The following RAB3C variants were observed in gnomAD, a reference collection of about 807,000 sequenced individuals.
The protein encoded by RAB3C is ras-related protein Rab-3C.
A neutral mutation model predicts 26.4 loss-of-function variants in RAB3C; 17 were observed. The ratio of observed to expected loss-of-function variants is 0.64; its 90% CI spans 0.44 to 0.97. The LOEUF (loss-of-function observed/expected upper bound fraction) is 0.97. Ranked by LOEUF, RAB3C falls within the 50% of genes least tolerant of loss-of-function variation. The pLI, the probability that RAB3C is intolerant of heterozygous loss-of-function variation, is 0.00. For missense variants in RAB3C, 242 were observed against 281.9 expected, an observed-to-expected ratio of 0.86 and a Z score of 1.01; for synonymous variants, 91 against 95.9, an observed-to-expected ratio of 0.95 and a Z score of 0.30.
intron 4 of RAB3C, among the ~76,000 whole-genome samples, chr5:58,828,296 A>G (rs1459054860): frequency 6.6e-6 from 1 of 152,158 alleles, no homozygotes; most frequent in Non-Finnish European, 1.5e-5. Flanking sequence ...TTTCTCAGCC[A>G]TTTTGTTTCA....
At chr5:58,625,823 C>G (rs1232678503) in intron 2 of RAB3C, among the ~76,000 whole-genome samples, 2 of 150,130 alleles carry the variant, frequency 1.3e-5, no homozygotes, top group Non-Finnish European at 2.9e-5. Context: ...CGCCATTGCA[C>G]TCCAGCCTGG....
At chr5:58,777,601 T>G (rs1188588121) in intron 3 of RAB3C, among the ~76,000 whole-genome samples, 1 of 151,964 alleles carries the variant, frequency 6.6e-6, no homozygotes, top group Non-Finnish European at 1.5e-5. Context: ...CATGTTTTTT[T>G]TTTTTTTTTT....
chr5:58,725,949 A>G (rs1292676219), intron 2 of RAB3C, 53 bp from the exon 3 acceptor site: 1 of 1,091,382 alleles, frequency 9.2e-7, no homozygotes, highest in Non-Finnish European at 1.3e-6. Context: ...ATCACTTCCC[A>G]AAAATGTATT....
intron 3 of RAB3C, among the ~76,000 whole-genome samples, chr5:58,748,870 C>T (rs961833673): frequency 8.5e-5 from 13 of 152,124 alleles, no homozygotes; most frequent in Non-Finnish European, 1.9e-4. Flanking sequence ...ACCAACAATG[C>T]CAGCCAAAGT....
At chr5:58,731,788 G>A (rs184161661) in intron 3 of RAB3C, among the ~76,000 whole-genome samples, 1 of 152,258 alleles carries the variant, frequency 6.6e-6, no homozygotes. Context: ...TCACTTCTGG[G>A]ACTTTAACTC....
At chr5:58,684,569 C>G (rs1233264156) in intron 2 of RAB3C, among the ~76,000 whole-genome samples, 3 of 152,112 alleles carry the variant, frequency 2.0e-5, no homozygotes, top group African/African-American at 7.2e-5. Context: ...TACCTGACCC[C>G]CATATCCACA....
chr5:58,716,091 G>A (rs1410514968), intron 2 of RAB3C, among the ~76,000 whole-genome samples: 1 of 141,622 alleles, frequency 7.1e-6, no homozygotes. Flanking sequence ...CTTTCAGCAG[G>A]AAAAAAAAAA....
chr5:58,685,885 C>T (rs533857416), intron 2 of RAB3C, among the ~76,000 whole-genome samples: 11 of 152,130 alleles, frequency 7.2e-5, no homozygotes, highest in Admixed American at 4.6e-4. Flanking sequence ...CAGAGATGGA[C>T]GCATAGTTCA....
chr5:58,698,272 T>C (rs769376535), intron 2 of RAB3C, among the ~76,000 whole-genome samples: 42 of 152,218 alleles, frequency 2.8e-4, no homozygotes, highest in Non-Finnish European at 4.3e-4. Context: ...TTCTGGCTTG[T>C]AGGGTTTCTG....
rs1421995398 is a variant in RAB3C, at chr5:58,858,090, C to T, written c.*6739C>T. Reference sequence around the variant, plus strand: ...TGCAAGACAGTTGGTTCTAGATGACCATGGCCATGTGTTCATCATATAAAA... The same window carrying T: ...TGCAAGACAGTTGGTTCTAGATGACTATGGCCATGTGTTCATCATATAAAA... On this transcript the variant is annotated 3_prime_UTR_variant, in exon 5 of 5. Coordinates refer to ENST00000282878, the MANE Select transcript of RAB3C (RefSeq NM_138453.4). 1.3e-5 allele frequency: 2 copies of T among 152,106 alleles called. No homozygotes were observed. Among genetic ancestry groups the T allele is most frequent in the Non-Finnish European group, 2.9e-5 (2 of 68,020 alleles). The allele number at this position is 152,106 out of a possible 1,614,324, so 9.4% of individuals were successfully genotyped here. A position where few individuals can be genotyped will look rare whatever the true frequency, so the allele number is the denominator to read the frequency against.
At chr5:58,667,483 G>A (rs1748024950) in intron 2 of RAB3C, among the ~76,000 whole-genome samples, 1 of 152,106 alleles carries the variant, frequency 6.6e-6, no homozygotes, top group Non-Finnish European at 1.5e-5. Context: ...GAGGGAGCCT[G>A]GGACTTCCAT....
chr5:58,607,246 A>G (rs1324715782), intron 1 of RAB3C, among the ~76,000 whole-genome samples: 1 of 152,240 alleles, frequency 6.6e-6, no homozygotes, highest in African/African-American at 2.4e-5. Flanking sequence ...AAACTGTGGC[A>G]TGAGAACTTT....
At chr5:58,739,043 G>A (rs142819686) in intron 3 of RAB3C, among the ~76,000 whole-genome samples, 7 of 152,160 alleles carry the variant, frequency 4.6e-5, no homozygotes, top group Non-Finnish European at 8.8e-5. Context: ...TATAATGATT[G>A]CTTTAAAGCA....
intron 3 of RAB3C, among the ~76,000 whole-genome samples, chr5:58,771,885 G>A (rs1290910453): frequency 2.7e-5 from 4 of 148,168 alleles, no homozygotes; most frequent in Non-Finnish European, 5.9e-5. Context: ...CCTGGCAGAG[G>A]TTAATGGCAA....
chr5:58,788,555 G>A (rs900883161), intron 3 of RAB3C, among the ~76,000 whole-genome samples: 2 of 152,182 alleles, frequency 1.3e-5, no homozygotes, highest in Non-Finnish European at 2.9e-5. Context: ...TGAAAATGTT[G>A]CTGGACCCTG....
At chr5:58,637,557 A>G (rs1213038309) in intron 2 of RAB3C, among the ~76,000 whole-genome samples, 2 of 152,164 alleles carry the variant, frequency 1.3e-5, no homozygotes, top group Non-Finnish European at 2.9e-5. Context: ...AAGTTCCAAA[A>G]TTAATATATT....
intron 4 of RAB3C, among the ~76,000 whole-genome samples, chr5:58,826,694 C>T (rs1743489486): frequency 6.6e-6 from 1 of 152,120 alleles, no homozygotes; most frequent in Non-Finnish European, 1.5e-5. Flanking sequence ...TTCTGTCTTA[C>T]TTTTCTTTCT....
chr5:58,693,344 A>ATGTG (rs1561291363), intron 2 of RAB3C, among the ~76,000 whole-genome samples: 4 of 140,972 alleles, frequency 2.8e-5, no homozygotes, highest in African/African-American at 8.2e-5. Context: ...GTGTATATAT[A>ATGTG]TATATATATA....
chr5:58,587,840 G>C (rs558106523), intron 1 of RAB3C, among the ~76,000 whole-genome samples: 5 of 152,248 alleles, frequency 3.3e-5, no homozygotes, highest in African/African-American at 1.2e-4. Flanking sequence ...TCCCTGGGAA[G>C]GTTCAAAAGT....
Sources: allele counts gnomAD v4.1 joint callset (sites outside exome capture counted in the v4.1 genomes callset), GRCh38; gene constraint gnomAD v4.1.1; transcripts MANE v1.5; gene names NCBI Gene and HGNC (gene_info 2026-07-23, HGNC 2026-07-21).